Variants in GPAT4 observed in about 807,000 individuals in gnomAD.
GPAT4 encodes the protein glycerol-3-phosphate acyltransferase 4, also known as 1-AGP acyltransferase 6.
In GPAT4, 17 loss-of-function variants were observed where a neutral mutation model predicts 58.0. The observed-to-expected ratio is 0.29, with a 90% CI of 0.20 to 0.44. GPAT4 has a LOEUF of 0.44. Ranked by LOEUF, GPAT4 falls within the 20% of genes least tolerant of loss-of-function variation. The probability of loss-of-function intolerance (pLI) is 1.00; values close to 1 mark genes in which losing one functional copy is unlikely to be tolerated. For synonymous variants in GPAT4, 204 were observed against 210.1 expected (o/e 0.97, Z 0.25); for missense variants, 377 against 574.5 (o/e 0.66, Z 3.51).
At position 41,622,965 on chromosome 8, in the gene GPAT4, T is replaced by C. The variant is rs370944195; in HGVS notation, c.*1964T>C. The C allele has an allele frequency of 6.6e-6, 1 of 152,264 alleles. No homozygotes were observed. The highest frequency in any genetic ancestry group is 1.5e-5 in the Non-Finnish European group (1 of 68,046). 9.4% of individuals were successfully genotyped at this position (152,264 alleles called of 1,614,324 possible). On this transcript the variant is annotated 3_prime_UTR_variant, in exon 13 of 13. Coordinates refer to ENST00000396987, the MANE Select transcript of GPAT4 (RefSeq NM_178819.4). Reference sequence around the variant, plus strand: ...GGTCTTAAAAGATCAGGTTCTCTTTTAAAAAGTTCATCTGAAACTTTATGG... The same window carrying C: ...GGTCTTAAAAGATCAGGTTCTCTTTCAAAAAGTTCATCTGAAACTTTATGG...
At chr8:41,584,512 A>C (rs1269951040) in intron 1 of GPAT4, among the ~76,000 whole-genome samples, 1 of 152,194 alleles carries the variant, frequency 6.6e-6, no homozygotes, top group Non-Finnish European at 1.5e-5. Flanking sequence ...ATGCAGCAAC[A>C]TGGATGGTTC....
In GPAT4 at chr8:41,598,880, A is replaced by G. The variant is rs1227954697; in HGVS notation, c.-260A>G. ...ACTCGGATGCTTTTACTGAAGACCC[A>G]TCTAGCTTCAATCATCTTTAGAGTC... On this transcript the variant is annotated 5_prime_UTR_variant, in exon 2 of 13. Coordinates refer to ENST00000396987, the MANE Select transcript of GPAT4 (RefSeq NM_178819.4). The G allele has an allele frequency of 4.5e-6, 2 of 446,368 alleles. No individual in the cohort carries two copies. Among genetic ancestry groups the G allele is most frequent in the Non-Finnish European group, 7.8e-6 (2 of 255,916 alleles). 27.7% of individuals were successfully genotyped at this position (446,368 alleles called of 1,614,324 possible). A position where few individuals can be genotyped will look rare whatever the true frequency, so the allele number is the denominator to read the frequency against.
chr8:41,580,714 C>A (rs936520103), intron 1 of GPAT4, among the ~76,000 whole-genome samples: 1 of 152,126 alleles, frequency 6.6e-6, no homozygotes, highest in African/African-American at 2.4e-5. Flanking sequence ...GACCTAAATA[C>A]AATAGTTGTT....
At chr8:41,594,607 C>G (rs1261821430) in intron 1 of GPAT4, among the ~76,000 whole-genome samples, 1 of 141,546 alleles carries the variant, frequency 7.1e-6, no homozygotes, top group Non-Finnish European at 1.5e-5. Context: ...GTGCAGTGGT[C>G]CGATCTCGGC....
chr8:41,623,616 G>C lies in GPAT4; in HGVS notation c.*2615G>C, dbSNP rs1184248106. 6.6e-6 allele frequency: 1 copy of C among 152,214 alleles called. No individual in the cohort carries two copies. Among genetic ancestry groups the C allele is most frequent in the African/African-American group, 2.4e-5 (1 of 41,440 alleles). 9.4% of individuals were successfully genotyped at this position (152,214 alleles called of 1,614,324 possible). On this transcript the variant is annotated 3_prime_UTR_variant, in exon 13 of 13. Transcript: ENST00000396987. ...AGTTCAAACTTTGGCTTTGATCTCT[G>C]AAGTCTTCTGGGTTTGGAAATACGG... is the stretch of plus-strand genomic sequence containing the variant.
intron 1 of GPAT4, among the ~76,000 whole-genome samples, chr8:41,595,331 T>C (rs1474402471): frequency 1.8e-5 from 1 of 56,016 alleles, no homozygotes; most frequent in Non-Finnish European, 3.8e-5. Context: ...CTTCCTTTTT[T>C]TTTTTTTTTT....
chr8:41,600,328 C>A (rs796807434), intron 2 of GPAT4, among the ~76,000 whole-genome samples: 1 of 152,258 alleles, frequency 6.6e-6, no homozygotes, highest in Middle Eastern at 3.4e-3. Flanking sequence ...AGGCCTGAGC[C>A]ACCGTACCTG....
Position 41,623,350 on chromosome 8 carries a change from C to G in GPAT4, c.*2349C>G, listed in dbSNP as rs1051801699. ...TCTTATGGGGCAAAAACTCAAGACACTTAGAAACATGCAAAGTACAAAATA... is the reference window on the plus strand; with the variant it reads ...TCTTATGGGGCAAAAACTCAAGACAGTTAGAAACATGCAAAGTACAAAATA... On this transcript the variant is annotated 3_prime_UTR_variant, in exon 13 of 13. Transcript: ENST00000396987. The G allele has an allele frequency of 6.6e-6, 1 of 152,214 alleles. No homozygotes were observed. Among genetic ancestry groups the G allele is most frequent in the Non-Finnish European group, 1.5e-5 (1 of 68,054 alleles). The allele number at this position is 152,214 out of a possible 1,614,324, so 9.4% of individuals were successfully genotyped here.
intron 2 of GPAT4, among the ~76,000 whole-genome samples, chr8:41,602,290 G>A (rs1350522905): frequency 6.6e-6 from 1 of 152,192 alleles, no homozygotes; most frequent in Non-Finnish European, 1.5e-5. Flanking sequence ...GGTAATGGAA[G>A]TAGCATATGT....
intron 1 of GPAT4, among the ~76,000 whole-genome samples, chr8:41,591,827 A>T (rs1802797178): frequency 1.3e-5 from 2 of 152,346 alleles, no homozygotes; most frequent in South Asian, 4.1e-4. Context: ...TACTAAGTTT[A>T]AATTCCAGAC....
At chr8:41,584,456 A>G (rs1362677821) in intron 1 of GPAT4, among the ~76,000 whole-genome samples, 2 of 152,230 alleles carry the variant, frequency 1.3e-5, no homozygotes, top group Non-Finnish European at 2.9e-5. Flanking sequence ...GTATATCCAT[A>G]TACTGGAATA....
chr8:41,605,215 G>A (rs1395311124), intron 2 of GPAT4, among the ~76,000 whole-genome samples: 3 of 152,208 alleles, frequency 2.0e-5, no homozygotes, highest in Non-Finnish European at 2.9e-5. Context: ...TCTGGCTGCC[G>A]CCTCTTGAGG....
Position 41,621,008 on chromosome 8 carries a change from C to T in GPAT4, c.*7C>T. 6.4e-7 allele frequency: 1 copy of T among 1,550,764 alleles called. No individual in the cohort carries two copies. Reference sequence around the variant, plus strand: ...GGACAGGAGCCGCTCCTGAGCCTGCCTCCAGCTGGCTGGGGCCACCGTGCG... The same window carrying T: ...GGACAGGAGCCGCTCCTGAGCCTGCTTCCAGCTGGCTGGGGCCACCGTGCG... On this transcript the variant is annotated 3_prime_UTR_variant, in exon 13 of 13. Coordinates refer to ENST00000396987, the MANE Select transcript of GPAT4 (RefSeq NM_178819.4).
rs187725935 is a variant in GPAT4 at position 41,587,191 on chromosome 8, G to C, written c.-849+8913G>C. On this transcript the variant is annotated intron_variant, in intron 1 of 12. Coordinates refer to ENST00000396987, the MANE Select transcript of GPAT4 (RefSeq NM_178819.4). Reference sequence around the variant, plus strand: ...TCCTGTTTTCTGGAGAGTCTCATTTGCCCCCAGTATGCTCTGCAGACACTG... The same window carrying C: ...TCCTGTTTTCTGGAGAGTCTCATTTCCCCCCAGTATGCTCTGCAGACACTG... 3.9e-3 allele frequency among the ~76,000 whole-genome samples: 598 copies of C among 152,304 alleles called. 2 individuals carry two copies. The highest frequency in any genetic ancestry group is 0.014 in the Middle Eastern group (4 of 294).
At position 41,595,325 on chromosome 8, in the gene GPAT4, CTTTTTTT is replaced by C. The variant is rs61465079; in HGVS notation, c.-848-2945_-848-2939del. Among the ~76,000 whole-genome samples the C allele has an allele frequency of 1.8e-3, 133 of 73,846 alleles. 1 individual carries two copies. The highest frequency in any genetic ancestry group is 5.7e-3 in the African/African-American group (96 of 16,970). 48.4% of individuals were successfully genotyped at this position (73,846 alleles called of 152,430 possible). On this transcript the variant is annotated intron_variant, in intron 1 of 12. Transcript: ENST00000396987. ...TTTCAGTGGTTAATGTTAAATCTTCCTTTTTTTTTTTTTTTTTTTTTTTTTTTTACTT... is the reference window on the plus strand; with the variant it reads ...TTTCAGTGGTTAATGTTAAATCTTCCTTTTTTTTTTTTTTTTTTTTTACTT...
chr8:41,609,782 A>T lies in GPAT4; in HGVS notation c.363A>T (p.Lys121Asn). ...CTGACATTTTCTACTTTTGCCGGAAAGGAATGGAGACCATTATGGATGATG... is the reference window on the plus strand; with the variant it reads ...CTGACATTTTCTACTTTTGCCGGAATGGAATGGAGACCATTATGGATGATG... ...ELSDIFYFCR[K>N]GMETIMDDEV... Residue 121 changes from lysine to asparagine, a missense_variant, in exon 4 of 13, where the codon AAA becomes AAT. Coordinates refer to ENST00000396987, the MANE Select transcript of GPAT4 (RefSeq NM_178819.4). 1 of 1,614,192 alleles carries T rather than the reference A, an allele frequency of 6.2e-7. No individual in the cohort carries two copies. The highest frequency in any genetic ancestry group is 8.5e-7 in the Non-Finnish European group (1 of 1,180,036).
Position 41,604,319 on chromosome 8 carries a change from A to G in GPAT4, c.165+5015A>G, listed in dbSNP as rs573713225. ...GTTCTCCCTATATAAAGGAACCAGG[A>G]GAAAGTATTTGTGTACCTGCCAAGG... is the stretch of plus-strand genomic sequence containing the variant. On this transcript the variant is annotated intron_variant, in intron 2 of 12. Coordinates refer to ENST00000396987, the MANE Select transcript of GPAT4 (RefSeq NM_178819.4). 8.5e-5 allele frequency among the ~76,000 whole-genome samples: 13 copies of G among 152,330 alleles called. No individual in the cohort carries two copies. The East Asian group carries it at 2.3e-3, about 27-fold the overall frequency.
intron 1 of GPAT4, among the ~76,000 whole-genome samples, chr8:41,588,672 A>G (rs1306669852): frequency 1.3e-5 from 2 of 152,312 alleles, no homozygotes; most frequent in Non-Finnish European, 2.9e-5. Flanking sequence ...CTAACACCTG[A>G]TGTACTGTCT....
rs145616147 is a variant in GPAT4, at chr8:41,582,122, A to G, written c.-849+3844A>G. On this transcript the variant is annotated intron_variant, in intron 1 of 12. Coordinates refer to ENST00000396987, the MANE Select transcript of GPAT4 (RefSeq NM_178819.4). ...CCTCCTGAGCTCAAATGATTTCCCT[A>G]TCTCCCAAGTAGCTGGGATTACAGG... is the stretch of plus-strand genomic sequence containing the variant. Among the ~76,000 whole-genome samples the G allele has an allele frequency of 9.9e-4, 139 of 140,138 alleles. No homozygotes were observed. In the East Asian group the frequency reaches 0.023, roughly 23 times the overall value. The allele number at this position is 140,138 out of a possible 152,430, so 91.9% of individuals were successfully genotyped here. A position where few individuals can be genotyped will look rare whatever the true frequency, so the allele number is the denominator to read the frequency against.
Sources: gnomAD v4.1 joint callset for allele counts (sites outside exome capture counted in the v4.1 genomes callset) on GRCh38, gnomAD v4.1.1 for gene constraint, MANE v1.5 for transcripts, NCBI Gene and HGNC (gene_info 2026-07-23, HGNC 2026-07-21) for gene names.